Variants in ADAM33 observed in about 807,000 individuals in gnomAD.
ADAM33 encodes disintegrin and metalloproteinase domain-containing protein 33.
Under a neutral mutation model 106.2 loss-of-function variants are expected in ADAM33, and 103 were observed. The observed-to-expected ratio is 0.97, with a 90% CI of 0.83 to 1.14. ADAM33 has a LOEUF of 1.14. Ranked by LOEUF, ADAM33 falls within the 50% of genes most tolerant of loss-of-function variation. ADAM33 has a pLI of 0.00. For synonymous variants in ADAM33, 483 were observed against 453.0 expected, an observed-to-expected ratio of 1.07 and a Z score of -0.84; for missense variants, 1,120 against 1,096.6, an observed-to-expected ratio of 1.02 and a Z score of -0.30.
chr20:3,681,870 A>G (rs1378808355), intron 1 of ADAM33, 38 bp downstream of exon 1: 2 of 1,590,176 alleles, frequency 1.3e-6, no homozygotes, highest in Non-Finnish European at 8.5e-7. Context: ...CACCGCGCCT[A>G]GCCTGCCCCT....
intron 2 of ADAM33, among the ~76,000 whole-genome samples, chr20:3,678,685 G>T (rs902639382): frequency 6.6e-6 from 1 of 152,234 alleles, no homozygotes. Context: ...GGAGGGGCAG[G>T]GGTGTAGCCA....
In ADAM33 at chr20:3,671,966, C is replaced by T. The variant is rs533334259; in HGVS notation, c.1617G>A (p.Glu539=). The T allele has an allele frequency of 2.6e-6, 4 of 1,555,848 alleles. No homozygotes were observed. Among genetic ancestry groups the T allele is most frequent in the Non-Finnish European group, 8.7e-7 (1 of 1,149,448 alleles). Residue 539 remains glutamate, a synonymous_variant, in exon 15 of 22, where the codon GAG becomes GAA. Coordinates refer to ENST00000356518, the MANE Select transcript of ADAM33 (RefSeq NM_025220.5). ...CAGAGTTCACCACCTGGAAACAGGC[C>T]TCGGGAGCTGGGTGGGAGCCTGAGG... ...LWGPGSHPAP[E]ACFQVVNSAG...
Position 3,675,102 on chromosome 20 carries a change from C to T in ADAM33, c.258G>A (p.Arg86=). ...TTTCTATGTATCCTGGGGCCAGCAG[C>T]CTGCTGAGAGGGGGTGTTACAGGGA... The part of the protein sequence containing the change: ...ELLLELEKNH[R]LLAPGYIETH... The change falls in exon 4 of 22, where the codon AGG becomes AGA. Residue 86 remains arginine, a synonymous_variant. Transcript: ENST00000356518. This position sits in a 1 kb window ranked among gnomAD's most constrained non-coding sequence, Gnocchi z 4.1. 6.2e-7 allele frequency: 1 copy of T among 1,611,808 alleles called. No individual in the cohort carries two copies. Among genetic ancestry groups the T allele is most frequent in the Admixed American group, 1.7e-5 (1 of 59,936 alleles).
rs369469795 is a variant in ADAM33, at chr20:3,673,740, C to T, written c.905+5G>A. The T allele has an allele frequency of 1.3e-6, 2 of 1,484,816 alleles. No individual in the cohort carries two copies. Among genetic ancestry groups the T allele is most frequent in the Non-Finnish European group, 1.8e-6 (2 of 1,122,572 alleles). 92.0% of individuals were successfully genotyped at this position (1,484,816 alleles called of 1,614,324 possible). A position where few individuals can be genotyped will look rare whatever the true frequency, so the allele number is the denominator to read the frequency against. ...GGGACCCGCGTCCGGGTCAGAGGCA[C>T]CCACGTGAGCAGCTGCGCGGAGTCG... is the stretch of plus-strand genomic sequence containing the variant. On this transcript the variant is annotated splice_donor_5th_base_variant and intron_variant, in intron 9 of 21. Transcript: ENST00000356518.
chr20:3,669,846 C>T (rs961149242), intron 19 of ADAM33: 18 of 665,114 alleles, frequency 2.7e-5, no homozygotes, highest in Non-Finnish European at 3.5e-5. Context: ...CTCATGCCCT[C>T]GGCTGGCACC....
chr20:3,677,820 C>A (rs1189737930), intron 2 of ADAM33, among the ~76,000 whole-genome samples: 4 of 152,234 alleles, frequency 2.6e-5, no homozygotes, highest in Middle Eastern at 3.2e-3. Flanking sequence ...CTCTCTCCTT[C>A]CCCCACCCTC....
intron 21 of ADAM33, 55 bp from the exon 22 acceptor site, chr20:3,669,055 C>T (rs1374262256): frequency 1.9e-6 from 3 of 1,590,800 alleles, no homozygotes; most frequent in East Asian, 4.5e-5. Flanking sequence ...AGGCTGCAAG[C>T]TGTGTGGCAG....
chr20:3,671,420 C>G lies in ADAM33; in HGVS notation c.1982G>C (p.Gly661Ala). 7.4e-6 allele frequency: 12 copies of G among 1,612,640 alleles called. No individual in the cohort carries two copies. Among genetic ancestry groups the G allele is most frequent in the Non-Finnish European group, 1.0e-5 (12 of 1,179,186 alleles). The change falls in exon 17 of 22, where the codon GGG becomes GCG. Residue 661 changes from glycine (G) to alanine (A), a missense_variant and splice_region_variant. By Grantham distance (60) the Gly-to-Ala change is moderately conservative (BLOSUM62 0). Transcript: ENST00000356518. ...CACCCCCACTCCTCGGGCTCTCACC[C>G]CGTGGCTGTGGCAGGCAGTCAGGCA... ...QRCLTACHSH[G>A]VCNSNHNCHC...
Position 3,675,913 on chromosome 20 carries a change from A to C in ADAM33, c.255-808T>G, listed in dbSNP as rs1400216758. 1.4e-5 allele frequency among the ~76,000 whole-genome samples: 2 copies of C among 144,398 alleles called. No homozygotes were observed. Among genetic ancestry groups the C allele is most frequent in the Non-Finnish European group, 1.5e-5 (1 of 66,040 alleles). 94.7% of individuals were successfully genotyped at this position (144,398 alleles called of 152,430 possible). On this transcript the variant is annotated intron_variant, in intron 3 of 21. Coordinates refer to ENST00000356518, the MANE Select transcript of ADAM33 (RefSeq NM_025220.5). The surrounding 1 kb of genome is among the most constrained non-coding windows in gnomAD (Gnocchi z 4.1). ...ACCACCTGCCCCAGCTCTGCCCCCT[A>C]CCCCTGCCCCACACACACCCGCCAC... is the stretch of plus-strand genomic sequence containing the variant.
intron 13 of ADAM33, 78 bp downstream of exon 13, chr20:3,672,459 G>A: frequency 6.3e-7 from 1 of 1,585,746 alleles, no homozygotes; most frequent in Non-Finnish European, 8.6e-7. Flanking sequence ...GGGAACCTGA[G>A]GGCACCAATT....
At chr20:3,677,564 T>C (rs2853210) in intron 2 of ADAM33, among the ~76,000 whole-genome samples, 111,911 of 152,104 alleles carry the variant, frequency 0.74, 41,242 homozygotes, top group East Asian at 0.78. Context: ...GAGCCTCTGC[T>C]ACCTGAGGCT....
chr20:3,681,606 T>TGGGCGGG (rs1555841012), intron 1 of ADAM33, among the ~76,000 whole-genome samples: 36 of 151,154 alleles, frequency 2.4e-4, no homozygotes, highest in Admixed American at 8.5e-4. Context: ...GCTACGGCTA[T>TGGGCGGG]GGGCTGGGGG....
In ADAM33 at chr20:3,671,596, C is replaced by G; in HGVS notation, c.1890G>C (p.Gln630His). The change falls in exon 16 of 22, where the codon CAG becomes CAC. Residue 630 changes from glutamine to histidine, a missense_variant. Physicochemically the swap from Gln to His is conservative, Grantham distance 24. Coordinates refer to ENST00000356518, the MANE Select transcript of ADAM33 (RefSeq NM_025220.5). Reference protein sequence around the residue: ...LGLGLVEPGTQCGPRMVCQSR... With the variant: ...LGLGLVEPGTHCGPRMVCQSR... ...CAGAGCTCACCATTCTAGGTCCACA[C>G]TGGGTGCCTGGCTCTACCAGGCCCA... 1 of 1,589,776 alleles carries G rather than the reference C, an allele frequency of 6.3e-7. No homozygotes were observed.
In ADAM33 at chr20:3,671,897, G is replaced by T. The variant is rs1435569109; in HGVS notation, c.1686C>A (p.His562Gln). ...HGNCGQDSEG[H>Q]FLPCAGRDAL... is the part of the protein sequence containing the mutation. ...CCTACCTCCCTGCACAGGGCAGGAA[G>T]TGGCCCTCGCTGTCCTGGCCGCAGT... Residue 562 changes from histidine to glutamine, a missense_variant, in exon 15 of 22, where the codon CAC (histidine) becomes CAA (glutamine). Coordinates refer to ENST00000356518, the MANE Select transcript of ADAM33 (RefSeq NM_025220.5). 1 of 1,553,838 alleles carries T rather than the reference G, an allele frequency of 6.4e-7. No individual in the cohort carries two copies. The highest frequency in any genetic ancestry group is 8.7e-7 in the Non-Finnish European group (1 of 1,148,144).
In ADAM33 at chr20:3,673,592, G is replaced by C. The variant is rs1337608972; in HGVS notation, c.972C>G (p.Ser324Arg). ...APVEGMCRAE[S>R]SGGVSTDHSE... ...GGCTCACCGTGCTCACGCCTCCCGAGCTCTCGGCGCGGCACATGCCCTCGA... is the reference window on the plus strand; with the variant it reads ...GGCTCACCGTGCTCACGCCTCCCGACCTCTCGGCGCGGCACATGCCCTCGA... The change falls in exon 10 of 22, where the codon AGC (serine) becomes AGG (arginine). Residue 324 changes from serine (S) to arginine (R), a missense_variant. Ser to Arg is a moderately radical substitution (Grantham distance 110, BLOSUM62 -1). Transcript: ENST00000356518. 6.5e-6 allele frequency: 9 copies of C among 1,374,630 alleles called. No individual in the cohort carries two copies. The highest frequency in any genetic ancestry group is 1.5e-5 in the African/African-American group (1 of 65,072). 85.2% of individuals were successfully genotyped at this position (1,374,630 alleles called of 1,614,324 possible). A position where few individuals can be genotyped will look rare whatever the true frequency, so the allele number is the denominator to read the frequency against.
intron 1 of ADAM33, among the ~76,000 whole-genome samples, chr20:3,680,152 C>T (rs2088357986): frequency 6.6e-6 from 1 of 152,126 alleles, no homozygotes; most frequent in Non-Finnish European, 1.5e-5. Context: ...TGGACGGAGC[C>T]TTGGTGCTCC....
chr20:3,674,942 C>T (rs778614140), intron 4 of ADAM33, 85 bp downstream of exon 4: 2 of 1,609,596 alleles, frequency 1.2e-6, no homozygotes, highest in South Asian at 2.2e-5. Context: ...CCAACCGCCC[C>T]TTAGGAATGC....
At chr20:3,674,870 C>G in intron 4 of ADAM33, 21 bp from the exon 5 acceptor site, 1 of 1,608,806 alleles carries the variant, frequency 6.2e-7, no homozygotes. Flanking sequence ...AGGGGCCAGC[C>G]CCAAATCTCA....
Position 3,672,295 on chromosome 20 carries a change from A to G in ADAM33, c.1436T>C (p.Met479Thr), listed in dbSNP as rs1242878320. Reference protein sequence around the residue: ...KPAGALCRQAMGDCDLPEFCT... With the variant: ...KPAGALCRQATGDCDLPEFCT... The stretch of plus-strand genomic sequence containing the variant: ...AAACTCAGGGAGGTCACAGTCACCC[A>G]TGGCCTGGCGGCACAGCGCTCCAGC... Residue 479 changes from methionine to threonine, a missense_variant, in exon 14 of 22, where the codon ATG (methionine) becomes ACG (threonine). Transcript: ENST00000356518. 4.3e-6 allele frequency: 7 copies of G among 1,613,134 alleles called. No homozygotes were observed. Among genetic ancestry groups the G allele is most frequent in the Non-Finnish European group, 5.9e-6 (7 of 1,179,982 alleles).
Sources: gnomAD v4.1 joint callset for allele counts (sites outside exome capture counted in the v4.1 genomes callset) on GRCh38, gnomAD v4.1.1 for gene constraint, Gnocchi (gnomAD v3.1) non-coding constraint, MANE v1.5 for transcripts, NCBI Gene and HGNC (gene_info 2026-07-23, HGNC 2026-07-21) for gene names.